Variants in PDE3B observed in about 807,000 individuals in gnomAD.
PDE3B encodes phosphodiesterase 3B.
Under a neutral mutation model 116.8 loss-of-function variants are expected in PDE3B, and 66 were observed. That is an observed-to-expected ratio of 0.56 (90% CI 0.46 to 0.69). The LOEUF (loss-of-function observed/expected upper bound fraction) is 0.69, where lower values mean the gene tolerates loss of function less well. PDE3B is among the 30% of genes least tolerant of loss of function. The pLI is 0.00. For missense variants in PDE3B, 1,384 were observed against 1,368.1 expected, an observed-to-expected ratio of 1.01 and a Z score of -0.18; for synonymous variants, 595 against 533.6, an observed-to-expected ratio of 1.12 and a Z score of -1.59.
chr11:14,650,250 A>C (rs1361037816), intron 1 of PDE3B, among the ~76,000 whole-genome samples: 1 of 144,192 alleles, frequency 6.9e-6, no homozygotes, highest in Non-Finnish European at 1.5e-5. Context: ...TGCCCAGGCT[A>C]GGGTGCAGTG....
chr11:14,656,234 A>G (rs548375393), intron 1 of PDE3B, among the ~76,000 whole-genome samples: 1 of 152,288 alleles, frequency 6.6e-6, no homozygotes, highest in East Asian at 1.9e-4. Flanking sequence ...AATGCTAAAG[A>G]GCTTGACTAT....
At chr11:14,788,841 A>G (rs1339260710) in intron 3 of PDE3B, 9 of 244,096 alleles carry the variant, frequency 3.7e-5, no homozygotes, top group Non-Finnish European at 4.7e-5. Flanking sequence ...TTATGAAACA[A>G]GTAGTAAAAT....
intron 13 of PDE3B, among the ~76,000 whole-genome samples, chr11:14,860,512 T>C (rs1171638075): frequency 2.6e-5 from 4 of 152,144 alleles, no homozygotes; most frequent in Non-Finnish European, 5.9e-5. Context: ...CAGCTAATAA[T>C]TATCATTTAT....
At chr11:14,790,494 T>G (rs949518774) in intron 4 of PDE3B, among the ~76,000 whole-genome samples, 3 of 152,106 alleles carry the variant, frequency 2.0e-5, no homozygotes, top group African/African-American at 4.8e-5. Context: ...TTCATACTGA[T>G]GTAACAGCAA....
chr11:14,721,657 A>T (rs1299692135), intron 1 of PDE3B, among the ~76,000 whole-genome samples: 1 of 140,702 alleles, frequency 7.1e-6, no homozygotes, highest in African/African-American at 2.8e-5. Flanking sequence ...CATCATTCTC[A>T]GTAAACTATC....
At position 14,869,547 on chromosome 11, in the gene PDE3B, G is replaced by T; in HGVS notation, c.3226G>T (p.Val1076Leu). The change falls in exon 16 of 16, where the codon GTA becomes TTA. Residue 1076 changes from valine to leucine, a missense_variant. Physicochemically the swap from Val to Leu is conservative, Grantham distance 32 (BLOSUM62 1). Coordinates refer to ENST00000282096, the MANE Select transcript of PDE3B (RefSeq NM_000922.4). Reference sequence around the variant, plus strand: ...AAACCACAAGATATGGAAGGAAATCGTAGAGGAAGAAGAAAAATGTAAAGC... The same window carrying T: ...AAACCACAAGATATGGAAGGAAATCTTAGAGGAAGAAGAAAAATGTAAAGC... ...TENHKIWKEI[V>L]EEEEKCKADG... 4 of 1,613,746 alleles carry T rather than the reference G, an allele frequency of 2.5e-6. No homozygotes were observed. Among genetic ancestry groups the T allele is most frequent in the Non-Finnish European group, 3.4e-6 (4 of 1,179,904 alleles).
At chr11:14,843,714 A>T in intron 11 of PDE3B, 113 bp from the exon 12 acceptor site, 1 of 769,034 alleles carries the variant, frequency 1.3e-6, no homozygotes, top group Non-Finnish European at 2.2e-6. Flanking sequence ...GTTCTTACTT[A>T]AATCAGCAAA....
chr11:14,675,888 C>T (rs1258853283), intron 1 of PDE3B, among the ~76,000 whole-genome samples: 1 of 152,034 alleles, frequency 6.6e-6, no homozygotes, highest in Non-Finnish European at 1.5e-5. Flanking sequence ...GTATTCATTT[C>T]TGTTGGGTAA....
intron 1 of PDE3B, among the ~76,000 whole-genome samples, chr11:14,692,835 A>G (rs988886345): frequency 2.0e-5 from 3 of 152,168 alleles, no homozygotes; most frequent in East Asian, 1.9e-4. Flanking sequence ...AGAGAAAGCA[A>G]TAGTTGCACA....
At position 14,749,899 on chromosome 11, in the gene PDE3B, C is replaced by CATATATATATATATATACATATATATAT. The variant is rs66919202; in HGVS notation, c.979-22024_979-22023insATACATATATATATATATATATATATAT. On this transcript the variant is annotated intron_variant, in intron 1 of 15. Transcript: ENST00000282096. ...TTATAGATTTAAAATAAATATATCC[C>CATATATATATATATATACATATATATAT]ATATATATATATATGTATCTTTGTG... Among the ~76,000 whole-genome samples, 11 of 77,628 alleles carry CATATATATATATATATACATATATATAT rather than the reference C, an allele frequency of 1.4e-4. No individual in the cohort carries two copies. In the South Asian group the frequency reaches 3.9e-3, roughly 27 times the overall value. 50.9% of individuals were successfully genotyped at this position (77,628 alleles called of 152,430 possible).
At chr11:14,799,551 T>A (rs949388878) in intron 4 of PDE3B, among the ~76,000 whole-genome samples, 2 of 152,236 alleles carry the variant, frequency 1.3e-5, no homozygotes, top group Admixed American at 1.3e-4. Flanking sequence ...CTCCCACTAT[T>A]ATTGTGTAGG....
At chr11:14,714,246 G>A (rs938696872) in intron 1 of PDE3B, among the ~76,000 whole-genome samples, 1 of 152,092 alleles carries the variant, frequency 6.6e-6, no homozygotes, top group African/African-American at 2.4e-5. Flanking sequence ...ATATATGTGT[G>A]TGTCTTGCTA....
At chr11:14,698,933 G>C (rs1855287611) in intron 1 of PDE3B, 1 of 151,890 alleles carries the variant, frequency 6.6e-6, no homozygotes, top group South Asian at 2.1e-4. Context: ...GTGATCATAT[G>C]GGGATCTTAA....
At chr11:14,843,759 C>T (rs1328514071) in intron 11 of PDE3B, 68 bp from the exon 12 acceptor site, 1 of 1,216,606 alleles carries the variant, frequency 8.2e-7, no homozygotes, top group Non-Finnish European at 1.2e-6. Flanking sequence ...TGAGAATCCC[C>T]TCCATAGCAA....
chr11:14,892,043 G>A, the PDE3B span: 3 of 1,613,236 alleles, frequency 1.9e-6, no homozygotes, highest in South Asian at 3.3e-5. Flanking sequence ...GAGGCTGCCA[G>A]GGAATAGATG....
chr11:14,869,402 T>C (rs1848104815), intron 15 of PDE3B, 59 bp from the exon 16 acceptor site: 1 of 1,441,858 alleles, frequency 6.9e-7, no homozygotes. Flanking sequence ...CACTTAATAT[T>C]TGTTGAATGA....
chr11:14,803,179 T>C (rs747748465), intron 4 of PDE3B, among the ~76,000 whole-genome samples: 4 of 148,914 alleles, frequency 2.7e-5, no homozygotes, highest in African/African-American at 5.1e-5. Flanking sequence ...CAGCTGCCTG[T>C]TAGTGACTGA....
intron 5 of PDE3B, among the ~76,000 whole-genome samples, chr11:14,804,481 A>G (rs1328403280): frequency 2.0e-5 from 3 of 152,140 alleles, no homozygotes; most frequent in African/African-American, 7.2e-5. Context: ...AAAAGATTAT[A>G]GAATGATTAA....
intron 2 of PDE3B, among the ~76,000 whole-genome samples, chr11:14,783,268 C>G (rs550076288): frequency 3.8e-4 from 58 of 152,276 alleles, no homozygotes; most frequent in African/African-American, 1.4e-3. Flanking sequence ...GGTATATACC[C>G]AAAGGATGAT....
Sources: gnomAD v4.1 joint callset for allele counts (sites outside exome capture counted in the v4.1 genomes callset) on GRCh38, gnomAD v4.1.1 for gene constraint, MANE v1.5 for transcripts, NCBI Gene and HGNC (gene_info 2026-07-23, HGNC 2026-07-21) for gene names.